Variants in ATP11A observed in about 807,000 individuals in gnomAD.
ATP11A encodes the protein phospholipid-transporting ATPase IH.
A neutral mutation model predicts 154.4 loss-of-function variants in ATP11A; 81 were observed. The ratio of observed to expected loss-of-function variants is 0.52; its 90% CI spans 0.44 to 0.63. ATP11A has a LOEUF of 0.63. ATP11A is among the 30% of genes least tolerant of loss of function. The pLI is 0.00. For missense variants in ATP11A, 1,316 were observed against 1,474.3 expected, an observed-to-expected ratio of 0.89 and a Z score of 1.76; for synonymous variants, 623 against 585.9, an observed-to-expected ratio of 1.06 and a Z score of -0.91.
intron 1 of ATP11A, among the ~76,000 whole-genome samples, chr13:112,712,108 T>C (rs1260259705): frequency 1.3e-5 from 2 of 152,214 alleles, no homozygotes; most frequent in Non-Finnish European, 2.9e-5. Flanking sequence ...CTCCTTCGCA[T>C]GTTGGCTCCC....
At chr13:112,858,377 C>T (rs2079997174) in intron 22 of ATP11A, 87 bp downstream of exon 22, 2 of 1,381,708 alleles carry the variant, frequency 1.4e-6, no homozygotes, top group Non-Finnish European at 2.0e-6. Flanking sequence ...CTTGATGCCA[C>T]AAGAGGTCAT....
chr13:112,876,041 A>C, intron 28 of ATP11A, 100 bp downstream of exon 28: 3 of 1,376,774 alleles, frequency 2.2e-6, no homozygotes, highest in African/African-American at 1.4e-5. Context: ...TTTGGATTTC[A>C]TGAAACGTGA....
intron 1 of ATP11A, among the ~76,000 whole-genome samples, chr13:112,755,758 C>G (rs1026642525): frequency 3.3e-5 from 5 of 150,276 alleles, no homozygotes; most frequent in East Asian, 3.9e-4. Flanking sequence ...GCACTCAGAG[C>G]GGCTCCCAGA....
intron 25 of ATP11A, among the ~76,000 whole-genome samples, chr13:112,865,613 A>G (rs2080305590): frequency 6.6e-6 from 1 of 152,190 alleles, no homozygotes; most frequent in Non-Finnish European, 1.5e-5. Context: ...GCAATGGCGC[A>G]GTCTTGGCTC....
Position 112,693,310 on chromosome 13 carries a change from G to A in ATP11A, c.39+2855G>A, listed in dbSNP as rs1468496322. ...TATGGGGTAGTGTATGCTCCCTGGG[G>A]TGATGTATGTGCTCTGGGGGGCGTG... is the stretch of plus-strand genomic sequence containing the variant. On this transcript the variant is annotated intron_variant, in intron 1 of 29. Transcript: ENST00000375645. 3.9e-5 allele frequency among the ~76,000 whole-genome samples: 6 copies of A among 152,236 alleles called. No individual in the cohort carries two copies. The East Asian group carries it at 1.2e-3, about 29-fold the overall frequency.
chr13:112,716,219 C>T (rs182395466), intron 1 of ATP11A, among the ~76,000 whole-genome samples: 1 of 152,308 alleles, frequency 6.6e-6, no homozygotes, highest in East Asian at 1.9e-4. Context: ...CGTGGTGGGG[C>T]CAAGTCCCTA....
chr13:112,708,181 A>G (rs145988425), intron 1 of ATP11A, among the ~76,000 whole-genome samples: 2 of 152,228 alleles, frequency 1.3e-5, no homozygotes, highest in Non-Finnish European at 2.9e-5. Flanking sequence ...CGCTTCCACA[A>G]CCAGCAGGAT....
chr13:112,777,724 G>GGGAAGGCTGCC (rs1223977133), intron 1 of ATP11A, among the ~76,000 whole-genome samples: 1 of 152,238 alleles, frequency 6.6e-6, no homozygotes, highest in African/African-American at 2.4e-5. Flanking sequence ...GAAGGTGGGT[G>GGGAAGGCTGCC]GGAAGGCTGC....
At chr13:112,829,255 C>G (rs1239271302) in intron 12 of ATP11A, among the ~76,000 whole-genome samples, 1 of 152,164 alleles carries the variant, frequency 6.6e-6, no homozygotes, top group African/African-American at 2.4e-5. Flanking sequence ...CAGCACTGGG[C>G]TTAGGGTTGA....
intron 2 of ATP11A, among the ~76,000 whole-genome samples, chr13:112,798,074 G>A (rs1046475183): frequency 1.3e-5 from 2 of 152,120 alleles, no homozygotes; most frequent in Non-Finnish European, 2.9e-5. Flanking sequence ...GAAGGCAAAA[G>A]GGCAAAGGGG....
At chr13:112,788,997 A>G (rs2077747445) in intron 2 of ATP11A, among the ~76,000 whole-genome samples, 1 of 151,524 alleles carries the variant, frequency 6.6e-6, no homozygotes, top group Admixed American at 6.6e-5. Context: ...AGACATACTT[A>G]ATTCACATTG....
chr13:112,723,203 C>T (rs945905956), intron 1 of ATP11A, among the ~76,000 whole-genome samples: 3 of 150,370 alleles, frequency 2.0e-5, no homozygotes, highest in Non-Finnish European at 4.4e-5. Flanking sequence ...ATCCTGTGAG[C>T]GTGGGTTGAG....
intron 1 of ATP11A, among the ~76,000 whole-genome samples, chr13:112,699,066 A>G (rs1886215546): frequency 6.6e-6 from 1 of 152,216 alleles, no homozygotes; most frequent in South Asian, 2.1e-4. Flanking sequence ...TTTTCAAAGT[A>G]GAGTGGGAAG....
At chr13:112,752,895 G>C (rs955310067) in intron 1 of ATP11A, among the ~76,000 whole-genome samples, 11 of 152,324 alleles carry the variant, frequency 7.2e-5, no homozygotes, top group African/African-American at 2.4e-4. Flanking sequence ...CTGGCCTCCA[G>C]CAGCTGCCGA....
At chr13:112,733,574 A>T (rs1343106480) in intron 1 of ATP11A, among the ~76,000 whole-genome samples, 1 of 152,240 alleles carries the variant, frequency 6.6e-6, no homozygotes, top group East Asian at 1.9e-4. Flanking sequence ...CTGAAAAGCT[A>T]ACAGGTTAAA....
chr13:112,774,899 T>C (rs1023261077), intron 1 of ATP11A, among the ~76,000 whole-genome samples: 3 of 151,612 alleles, frequency 2.0e-5, no homozygotes, highest in African/African-American at 7.3e-5. Flanking sequence ...CGTGCGAGGC[T>C]GTGTGTCTGA....
Position 112,856,311 on chromosome 13 carries a change from T to G in ATP11A, c.2418+226T>G. On this transcript the variant is annotated intron_variant, in intron 20 of 29. Transcript: ENST00000375645. ...CAGTCAGATGTATGACCCTTCCAGA[T>G]GCAGTGGCCAGGACAGCTGCCCTGG... The G allele has an allele frequency of 1.5e-5, 6 of 394,636 alleles. No homozygotes were observed. In the South Asian group the frequency reaches 2.8e-4, roughly 18 times the overall value. 24.4% of individuals were successfully genotyped at this position (394,636 alleles called of 1,614,324 possible). A position where few individuals can be genotyped will look rare whatever the true frequency, so the allele number is the denominator to read the frequency against.
chr13:112,843,767 C>T (rs895879436), intron 17 of ATP11A, among the ~76,000 whole-genome samples: 3 of 152,202 alleles, frequency 2.0e-5, no homozygotes, highest in Admixed American at 6.5e-5. Context: ...CTCGCGAGCC[C>T]GTGCGTGCAG....
chr13:112,755,784 G>C (rs1284445819), intron 1 of ATP11A, among the ~76,000 whole-genome samples: 1 of 144,352 alleles, frequency 6.9e-6, no homozygotes, highest in Non-Finnish European at 1.5e-5. Context: ...TTCCGGTCAC[G>C]GAAGCGGCAC....
Sources: allele counts gnomAD v4.1 joint callset (sites outside exome capture counted in the v4.1 genomes callset), GRCh38; gene constraint gnomAD v4.1.1; transcripts MANE v1.5; gene names NCBI Gene and HGNC (gene_info 2026-07-23, HGNC 2026-07-21).